MON2: variants seen among roughly 807,000 people sequenced by gnomAD.
The protein encoded by MON2 is protein MON2 homolog.
A neutral mutation model predicts 208.6 loss-of-function variants in MON2; 84 were observed. The ratio of observed to expected loss-of-function variants is 0.40; its 90% confidence interval spans 0.34 to 0.48. The LOEUF (loss-of-function observed/expected upper bound fraction) is 0.48. MON2 is among the 20% of genes least tolerant of loss of function. MON2 has a pLI of 0.59. For synonymous variants in MON2, 660 were observed against 694.0 expected (o/e 0.95, Z 0.77); for missense variants, 1,611 against 2,015.4 (o/e 0.80, Z 3.84).
chr12:62,476,746 T>G (rs1049670366), intron 1 of MON2, among the ~76,000 whole-genome samples: 1 of 152,184 alleles, frequency 6.6e-6, no homozygotes, highest in Non-Finnish European at 1.5e-5. Context: ...CTCACATTTC[T>G]TCTTTAGCTC....
intron 34 of MON2, among the ~76,000 whole-genome samples, chr12:62,590,949 CA>C (rs2075380190): frequency 6.6e-6 from 1 of 152,220 alleles, no homozygotes; most frequent in Admixed American, 6.5e-5. Flanking sequence ...GCCACCACGC[CA>C]GCCTAAAACA....
chr12:62,505,557 A>G (rs2071054907), intron 7 of MON2, among the ~76,000 whole-genome samples: 1 of 152,124 alleles, frequency 6.6e-6, no homozygotes, highest in Admixed American at 6.6e-5. Context: ...AAGTTTCAAG[A>G]TGAAGCAAGT....
chr12:62,542,180 A>C (rs934827177), intron 19 of MON2, among the ~76,000 whole-genome samples: 2 of 152,198 alleles, frequency 1.3e-5, no homozygotes, highest in African/African-American at 2.4e-5. Flanking sequence ...GGAAGGGTCA[A>C]CCTGACCATA....
At chr12:62,587,708 C>A (rs747590548) in intron 33 of MON2, 1 of 182,036 alleles carries the variant, frequency 5.5e-6, no homozygotes, top group South Asian at 1.2e-4. Context: ...CATTGCACTC[C>A]AGTCTAAGTG....
At position 62,598,493 on chromosome 12, in the gene MON2, G is replaced by C. The variant is rs1412758266; in HGVS notation, c.*5744G>C. ...TTTATCTAGAAAAAGAAAATATTAG[G>C]CTTCAGACCCAACTGTGCAAATTTC... On this transcript the variant is annotated 3_prime_UTR_variant, in exon 35 of 35. Coordinates refer to ENST00000393630, the MANE Select transcript of MON2 (RefSeq NM_015026.3). The C allele has an allele frequency of 1.3e-5, 2 of 151,748 alleles. No individual in the cohort carries two copies. Among genetic ancestry groups the C allele is most frequent in the African/African-American group, 2.4e-5 (1 of 41,264 alleles). The allele number at this position is 151,748 out of a possible 1,614,324, so 9.4% of individuals were successfully genotyped here.
rs2073506549 is a variant in MON2, at chr12:62,546,783, A to G, written c.2578-114A>G. ...AAAAAAATAAATAAAACATAAAAAT[A>G]TCTATTTCCCATAGTAGTCTGAATG... On this transcript the variant is annotated intron_variant, in intron 21 of 34. Transcript: ENST00000393630. 6 of 756,860 alleles carry G rather than the reference A, an allele frequency of 7.9e-6. No individual in the cohort carries two copies. The East Asian group carries it at 1.8e-4, about 22-fold the overall frequency. The allele number at this position is 756,860 out of a possible 1,614,324, so 46.9% of individuals were successfully genotyped here.
intron 34 of MON2, 52 bp downstream of exon 34, chr12:62,588,208 G>A: frequency 8.0e-7 from 1 of 1,244,558 alleles, no homozygotes; most frequent in Non-Finnish European, 1.1e-6. Flanking sequence ...TGTTCTATTT[G>A]TGATGGACTT....
intron 1 of MON2, among the ~76,000 whole-genome samples, chr12:62,469,944 C>T (rs1166816496): frequency 6.8e-6 from 1 of 146,678 alleles, no homozygotes; most frequent in East Asian, 1.9e-4. Context: ...ATCTCTTTCA[C>T]CTAGGCTGGA....
At chr12:62,517,159 T>TTCC (rs538263159) in intron 8 of MON2, among the ~76,000 whole-genome samples, 7 of 152,120 alleles carry the variant, frequency 4.6e-5, no homozygotes, top group Non-Finnish European at 8.8e-5. Context: ...CTTAGAAGGG[T>TTCC]TCCTCCTCCT....
chr12:62,591,828 A>C (rs1431010209), intron 34 of MON2, among the ~76,000 whole-genome samples: 1 of 152,226 alleles, frequency 6.6e-6, no homozygotes, highest in Non-Finnish European at 1.5e-5. Flanking sequence ...TTAATACTAT[A>C]ATGCCTCTTA....
At position 62,508,511 on chromosome 12, in the gene MON2, A is replaced by G. The variant is rs553872896; in HGVS notation, c.984+31A>G. The G allele has an allele frequency of 3.2e-5, 51 of 1,584,236 alleles. 1 individual carries two copies. The South Asian group carries it at 5.2e-4, about 16-fold the overall frequency. The stretch of plus-strand genomic sequence containing the variant: ...TGCTAATTTCCTTATGTATTTGTGT[A>G]TATAGTTGCATGTTGTGCCCTTTGT... On this transcript the variant is annotated intron_variant, in intron 8 of 34. Coordinates refer to ENST00000393630, the MANE Select transcript of MON2 (RefSeq NM_015026.3).
At chr12:62,468,775 GTTTTAA>G (rs1247054993) in intron 1 of MON2, among the ~76,000 whole-genome samples, 1 of 152,116 alleles carries the variant, frequency 6.6e-6, no homozygotes, top group African/African-American at 2.4e-5. Flanking sequence ...GAATTAAGTT[GTTTTAA>G]TTATAAGAGA....
chr12:62,512,201 A>G (rs1005200289), intron 8 of MON2, among the ~76,000 whole-genome samples: 1 of 152,060 alleles, frequency 6.6e-6, no homozygotes, highest in African/African-American at 2.4e-5. Context: ...TTCAAAACCA[A>G]TCATGCCTTC....
chr12:62,560,776 A>T lies in MON2; in HGVS notation c.3695A>T (p.Asp1232Val). The change falls in exon 26 of 35, where the codon GAT becomes GTT. Residue 1232 changes from aspartate to valine, a missense_variant. Coordinates refer to ENST00000393630, the MANE Select transcript of MON2 (RefSeq NM_015026.3). ...AGCTCTGAGCCACCCATTGTTACTG[A>T]TGAGCTTGAAGATTTGAATCTATGG... ...YSSSEPPIVT[D>V]ELEDLNLWWA... 6.2e-7 allele frequency: 1 copy of T among 1,614,130 alleles called. No individual in the cohort carries two copies. Among genetic ancestry groups the T allele is most frequent in the Non-Finnish European group, 8.5e-7 (1 of 1,179,988 alleles).
intron 1 of MON2, among the ~76,000 whole-genome samples, chr12:62,469,576 T>C (rs75689415): frequency 0.032 from 4,935 of 152,302 alleles, 287 homozygotes; most frequent in African/African-American, 0.11. Flanking sequence ...TGATCTTGAC[T>C]GTGTCATAGG....
intron 30 of MON2, among the ~76,000 whole-genome samples, chr12:62,574,213 G>A (rs957328298): frequency 3.3e-5 from 5 of 152,096 alleles, no homozygotes; most frequent in African/African-American, 1.2e-4. Context: ...TAAAATGCTT[G>A]TTTCCACTAT....
chr12:62,525,861 T>C, intron 10 of MON2, 88 bp from the exon 11 acceptor site: 2 of 1,285,244 alleles, frequency 1.6e-6, no homozygotes, highest in Non-Finnish European at 2.2e-6. Context: ...AAATTTTTTT[T>C]AAAGATTGGC....
intron 29 of MON2, among the ~76,000 whole-genome samples, chr12:62,568,434 T>C (rs2074464216): frequency 1.3e-5 from 2 of 152,106 alleles, no homozygotes; most frequent in Admixed American, 1.3e-4. Flanking sequence ...AAGCTCCTGA[T>C]CTCATGTGAT....
rs2075578530 is a variant in MON2, at chr12:62,599,001, TTG to T, written c.*6256_*6257del. ...GATTCATTTTTTTCTTGAATATACT[TTG>T]TGTTTGCTTTCTCATCCCCGTTAAG... On this transcript the variant is annotated 3_prime_UTR_variant, in exon 35 of 35. Transcript: ENST00000393630. 1 of 152,172 alleles carries T rather than the reference TTG, an allele frequency of 6.6e-6. No individual in the cohort carries two copies. The highest frequency in any genetic ancestry group is 2.4e-5 in the African/African-American group (1 of 41,440). 9.4% of individuals were successfully genotyped at this position (152,172 alleles called of 1,614,324 possible). A position where few individuals can be genotyped will look rare whatever the true frequency, so the allele number is the denominator to read the frequency against.
Sources: gnomAD v4.1 joint callset for allele counts (sites outside exome capture counted in the v4.1 genomes callset) on GRCh38, gnomAD v4.1.1 for gene constraint, MANE v1.5 for transcripts, NCBI Gene and HGNC (gene_info 2026-07-23, HGNC 2026-07-21) for gene names.